Variants in SPAG16 observed in about 807,000 individuals in gnomAD.
The protein encoded by SPAG16 is sperm-associated antigen 16 protein.
Under a neutral mutation model 80.4 loss-of-function variants are expected in SPAG16, and 86 were observed. That is an observed-to-expected ratio of 1.07 (90% CI 0.90 to 1.28). The LOEUF is 1.28. Among genes scored for constraint, SPAG16 ranks in the 50% most tolerant of loss-of-function variants. The probability of loss-of-function intolerance (pLI) is 0.00; values close to 1 mark genes in which losing one functional copy is unlikely to be tolerated. For synonymous variants in SPAG16, 294 were observed against 265.9 expected (o/e 1.11, Z -1.03); for missense variants, 870 against 765.3 (o/e 1.14, Z -1.61).
At chr2:213,594,253 C>G (rs2060810551) in intron 10 of SPAG16, among the ~76,000 whole-genome samples, 1 of 152,170 alleles carries the variant, frequency 6.6e-6, no homozygotes, top group Non-Finnish European at 1.5e-5. Flanking sequence ...CCTCTTCAAT[C>G]TAACCTTTGT....
intron 13 of SPAG16, among the ~76,000 whole-genome samples, chr2:214,089,952 T>C (rs1160542529): frequency 1.3e-5 from 2 of 152,070 alleles, no homozygotes; most frequent in Admixed American, 6.6e-5. Context: ...GTCTGCTCCC[T>C]GGGCAACTAA....
chr2:213,871,460 A>T (rs1392311193), intron 11 of SPAG16, among the ~76,000 whole-genome samples: 1 of 152,030 alleles, frequency 6.6e-6, no homozygotes, highest in Non-Finnish European at 1.5e-5. Context: ...GAAAAGCTGG[A>T]GAGTGAAATG....
At chr2:213,943,570 T>C (rs2079306571) in intron 12 of SPAG16, among the ~76,000 whole-genome samples, 1 of 152,164 alleles carries the variant, frequency 6.6e-6, no homozygotes, top group South Asian at 2.1e-4. Context: ...TAGTATTTTA[T>C]GGAAGGTAGA....
intron 10 of SPAG16, among the ~76,000 whole-genome samples, chr2:213,781,451 T>C (rs1439006023): frequency 6.6e-6 from 1 of 152,148 alleles, no homozygotes; most frequent in African/African-American, 2.4e-5. Context: ...GCCTTCTTAA[T>C]GCTTTCATGT....
intron 8 of SPAG16, among the ~76,000 whole-genome samples, chr2:213,373,888 G>A (rs901397633): frequency 3.9e-5 from 6 of 152,250 alleles, no homozygotes; most frequent in East Asian, 1.9e-4. Context: ...TTATTATCAG[G>A]TTGACACCCC....
chr2:213,840,127 AT>A (rs2125751958), intron 10 of SPAG16, among the ~76,000 whole-genome samples: 1 of 152,300 alleles, frequency 6.6e-6, no homozygotes, highest in Non-Finnish European at 1.5e-5. Context: ...TAATCTTTTC[AT>A]ACTTGGAAAT....
chr2:214,238,980 A>G (rs773390440), intron 15 of SPAG16: 49 of 152,192 alleles, frequency 3.2e-4, no homozygotes, highest in Non-Finnish European at 5.0e-4. Context: ...TAGTTCTGAA[A>G]TAGTTACTTG....
In SPAG16 at chr2:213,715,056, G is replaced by T. The variant is rs2125372890; in HGVS notation, c.1071-147429G>T. Among the ~76,000 whole-genome samples, 2 of 152,248 alleles carry T rather than the reference G, an allele frequency of 1.3e-5. 1 individual carries two copies. The highest frequency in any genetic ancestry group is 6.8e-3 in the Middle Eastern group (2 of 294). On this transcript the variant is annotated intron_variant, in intron 10 of 15. Coordinates refer to ENST00000331683, the MANE Select transcript of SPAG16 (RefSeq NM_024532.5). ...ATGATTTGTTCCTATGATGGGATTTGCTTTTCAGTGTGATCACTGTGACTT... is the reference window on the plus strand; with the variant it reads ...ATGATTTGTTCCTATGATGGGATTTTCTTTTCAGTGTGATCACTGTGACTT...
intron 1 of SPAG16, among the ~76,000 whole-genome samples, chr2:213,294,761 T>C (rs2062431543): frequency 6.6e-6 from 1 of 152,008 alleles, no homozygotes; most frequent in Non-Finnish European, 1.5e-5. Flanking sequence ...TTTAGATCTC[T>C]GTGGAAAATA....
intron 10 of SPAG16, among the ~76,000 whole-genome samples, chr2:213,759,270 A>G (rs1450522541): frequency 1.3e-5 from 2 of 152,142 alleles, no homozygotes; most frequent in Non-Finnish European, 2.9e-5. Flanking sequence ...ATAAAAGCTT[A>G]TATTATTGTA....
intron 9 of SPAG16, among the ~76,000 whole-genome samples, chr2:213,441,362 G>T (rs74399470): frequency 1.3e-5 from 2 of 152,124 alleles, no homozygotes; most frequent in Non-Finnish European, 2.9e-5. Context: ...TCTTCTATAC[G>T]CATAGTATGG....
chr2:213,911,138 T>C (rs1016277624), intron 11 of SPAG16, among the ~76,000 whole-genome samples: 1 of 152,186 alleles, frequency 6.6e-6, no homozygotes, highest in Admixed American at 6.5e-5. Context: ...TCATTTTCAA[T>C]AGAAACAAGT....
intron 12 of SPAG16, among the ~76,000 whole-genome samples, chr2:213,980,122 T>G (rs1159922083): frequency 1.3e-5 from 2 of 150,556 alleles, no homozygotes; most frequent in African/African-American, 4.9e-5. Flanking sequence ...GAGGCTGAGG[T>G]GGGTAGATCA....
chr2:214,369,356 C>A (rs776718858), intron 15 of SPAG16, among the ~76,000 whole-genome samples: 10 of 151,880 alleles, frequency 6.6e-5, no homozygotes, highest in Non-Finnish European at 1.2e-4. Flanking sequence ...TTTTGTAATG[C>A]TGCGAGCTTC....
chr2:214,410,450 C>T lies in SPAG16; in HGVS notation c.*135C>T. The T allele has an allele frequency of 1.3e-6, 1 of 785,516 alleles. No homozygotes were observed. 48.7% of individuals were successfully genotyped at this position (785,516 alleles called of 1,614,324 possible). On this transcript the variant is annotated 3_prime_UTR_variant, in exon 16 of 16. Transcript: ENST00000331683. ...AGTCTGCTTTAAAACATGCTTTGGACATATATTTTAGTGCTCATACTGTTA... is the reference window on the plus strand; with the variant it reads ...AGTCTGCTTTAAAACATGCTTTGGATATATATTTTAGTGCTCATACTGTTA...
At chr2:213,793,151 C>T (rs2070810042) in intron 10 of SPAG16, among the ~76,000 whole-genome samples, 1 of 151,976 alleles carries the variant, frequency 6.6e-6, no homozygotes. Flanking sequence ...TGGTCTTGAG[C>T]TCCTGACCTC....
chr2:213,666,602 C>T (rs1332877405), intron 10 of SPAG16, among the ~76,000 whole-genome samples: 1 of 152,180 alleles, frequency 6.6e-6, no homozygotes, highest in African/African-American at 2.4e-5. Flanking sequence ...GTTTATTAAG[C>T]TTTGCCCTCA....
intron 15 of SPAG16, among the ~76,000 whole-genome samples, chr2:214,353,293 GA>G (rs201909173): frequency 0.069 from 10,352 of 149,522 alleles, 434 homozygotes; most frequent in East Asian, 0.12. Context: ...AATTACTGAG[GA>G]AAAAAAATCG....
intron 15 of SPAG16, among the ~76,000 whole-genome samples, chr2:214,378,828 A>G (rs6734329): frequency 0.85 from 130,036 of 152,274 alleles, 56,056 homozygotes; most frequent in African/African-American, 0.94. Context: ...TCAGTCACAG[A>G]CCTAGGAAAC....
Sources: gnomAD v4.1 joint callset for allele counts (sites outside exome capture counted in the v4.1 genomes callset) on GRCh38, gnomAD v4.1.1 for gene constraint, MANE v1.5 for transcripts, NCBI Gene and HGNC (gene_info 2026-07-23, HGNC 2026-07-21) for gene names.